Variants in LRTM1 observed in about 807,000 individuals in gnomAD.
LRTM1 encodes the protein leucine rich repeat transmembrane protein 1.
A neutral mutation model predicts 32.4 loss-of-function variants in LRTM1; 38 were observed. The observed-to-expected ratio is 1.17, with a 90% CI of 0.91 to 1.54. LRTM1 has a LOEUF of 1.54. LRTM1 is among the 40% of genes most tolerant of loss of function. The probability of loss-of-function intolerance (pLI) is 0.00; values close to 1 mark genes in which losing one functional copy is unlikely to be tolerated. For missense variants in LRTM1, 466 were observed against 415.4 expected (o/e 1.12, Z -1.06); for synonymous variants, 186 against 169.9 (o/e 1.09, Z -0.74).
chr3:54,943,954 G>A (rs768902002), intron 1 of LRTM1, among the ~76,000 whole-genome samples: 41 of 152,136 alleles, frequency 2.7e-4, no homozygotes, highest in Admixed American at 1.8e-3. Flanking sequence ...AATTTCCTCC[G>A]ACCTTGTAGC....
chr3:54,927,768 G>A, intron 1 of LRTM1, 137 bp downstream of exon 1: 1 of 930,948 alleles, frequency 1.1e-6, no homozygotes. Flanking sequence ...ATCATTCCAT[G>A]CAGAGACATT....
At chr3:54,930,533 A>G (rs982388498), upstream of LRTM1, among the ~76,000 whole-genome samples, 4 of 152,206 alleles carry the variant, frequency 2.6e-5, no homozygotes, top group Admixed American at 6.5e-5. Flanking sequence ...GAAAATGATC[A>G]ATCTATTGAC....
upstream of LRTM1, among the ~76,000 whole-genome samples, chr3:54,929,629 T>G (rs922340379): frequency 2.0e-5 from 3 of 151,766 alleles, no homozygotes; most frequent in African/African-American, 7.3e-5. Context: ...TGTCCTTCTC[T>G]CCAACATTTT....
At chr3:54,958,776 C>A (rs1362827868) in intron 1 of LRTM1, among the ~76,000 whole-genome samples, 2 of 151,720 alleles carry the variant, frequency 1.3e-5, no homozygotes, top group African/African-American at 4.8e-5. Flanking sequence ...TCTGTGTAAC[C>A]CCCAGCCTAG....
intron 2 of LRTM1, among the ~76,000 whole-genome samples, chr3:54,919,360 AT>A (rs773137014): frequency 2.3e-4 from 35 of 152,228 alleles, no homozygotes; most frequent in Admixed American, 3.9e-4. Context: ...TATTACAAAG[AT>A]CCTGTGTGTC....
intron 1 of LRTM1, among the ~76,000 whole-genome samples, chr3:54,950,629 A>C (rs1305516772): frequency 1.3e-5 from 2 of 152,214 alleles, no homozygotes; most frequent in African/African-American, 2.4e-5. Flanking sequence ...GCACAGCTCC[A>C]GGCTGTGGCA....
rs533596688 is a variant in LRTM1 at position 54,918,332 on chromosome 3, CTTTTTTTTTT to C, written c.*117_*126del. On this transcript the variant is annotated 3_prime_UTR_variant, in exon 3 of 3. Coordinates refer to ENST00000273286, the MANE Select transcript of LRTM1 (RefSeq NM_020678.4). Reference sequence around the variant, plus strand: ...TTTTACAGACACATCTTTTTTTTTTCTTTTTTTTTTTTTTTTTTTTTTTGTCTTTTGGCAA... The same window carrying C: ...TTTTACAGACACATCTTTTTTTTTTCTTTTTTTTTTTTTGTCTTTTGGCAA... 33 of 227,970 alleles carry C rather than the reference CTTTTTTTTTT, an allele frequency of 1.4e-4. No individual in the cohort carries two copies. The highest frequency in any genetic ancestry group is 2.1e-4 in the East Asian group (3 of 14,616). 14.1% of individuals were successfully genotyped at this position (227,970 alleles called of 1,614,324 possible).
chr3:54,954,149 G>C (rs980003307), intron 1 of LRTM1, among the ~76,000 whole-genome samples: 2 of 152,172 alleles, frequency 1.3e-5, no homozygotes, highest in African/African-American at 4.8e-5. Context: ...TCATCATGCA[G>C]GCATTTCCTG....
At chr3:54,962,930 G>T (rs1333805392) in intron 1 of LRTM1, among the ~76,000 whole-genome samples, 3 of 152,104 alleles carry the variant, frequency 2.0e-5, no homozygotes, top group African/African-American at 4.8e-5. Context: ...TACGATATGA[G>T]AAAAGTTGTT....
At chr3:54,954,608 G>A (rs965429293) in intron 1 of LRTM1, among the ~76,000 whole-genome samples, 1 of 152,200 alleles carries the variant, frequency 6.6e-6, no homozygotes, top group Admixed American at 6.5e-5. Flanking sequence ...TCAGGAGGCT[G>A]GAGGTAGGGT....
chr3:54,947,465 C>T (rs1196921323), intron 1 of LRTM1, among the ~76,000 whole-genome samples: 1 of 152,180 alleles, frequency 6.6e-6, no homozygotes, highest in African/African-American at 2.4e-5. Flanking sequence ...CAGGATAGGA[C>T]TTCTCAGGAG....
chr3:54,945,077 T>A (rs941592261), intron 1 of LRTM1, among the ~76,000 whole-genome samples: 1 of 152,170 alleles, frequency 6.6e-6, no homozygotes, highest in South Asian at 2.1e-4. Context: ...TTGGGGGCTA[T>A]AAGCTTGTTT....
chr3:54,937,184 G>A (rs563159329), intron 1 of LRTM1, among the ~76,000 whole-genome samples: 3 of 152,276 alleles, frequency 2.0e-5, no homozygotes, highest in East Asian at 1.9e-4. Flanking sequence ...CCCTTTGTGT[G>A]TATTCTTTCT....
chr3:54,948,241 TG>T (rs1367120124), intron 1 of LRTM1, among the ~76,000 whole-genome samples: 1 of 152,234 alleles, frequency 6.6e-6, no homozygotes, highest in Non-Finnish European at 1.5e-5. Context: ...ATGTGTGATG[TG>T]AGCCCAAGGT....
chr3:54,923,361 C>T (rs1559631010), intron 2 of LRTM1, among the ~76,000 whole-genome samples: 3 of 152,072 alleles, frequency 2.0e-5, no homozygotes, highest in East Asian at 3.9e-4. Flanking sequence ...AAGCCCTTTG[C>T]GTTCACTATT....
rs1308675320 is a variant in LRTM1 at position 54,918,874 on chromosome 3, A to G, written c.623T>C (p.Ile208Thr). The G allele has an allele frequency of 1.9e-6, 3 of 1,548,938 alleles. No individual in the cohort carries two copies. The highest frequency in any genetic ancestry group is 2.6e-6 in the Non-Finnish European group (3 of 1,146,548). Residue 208 changes from isoleucine to threonine, a missense_variant, in exon 3 of 3, where the codon ATC becomes ACC. By Grantham distance (89) the Ile-to-Thr change is moderately conservative. Transcript: ENST00000273286. The part of the protein sequence containing the change: ...FVYKGGLTDG[I>T]ICESPDTWKG... ...CCAGGTGTCTGGTGATTCACAGATG[A>G]TGCCGTCTGTTAGTCCCCCTTTAAA...
chr3:54,949,718 C>T (rs751274240), intron 1 of LRTM1, among the ~76,000 whole-genome samples: 1 of 152,166 alleles, frequency 6.6e-6, no homozygotes, highest in Non-Finnish European at 1.5e-5. Context: ...AAATTCAGAA[C>T]TGGTTTTGCA....
intron 2 of LRTM1, among the ~76,000 whole-genome samples, chr3:54,920,714 C>T (rs544292334): frequency 3.9e-4 from 60 of 152,202 alleles, no homozygotes; most frequent in Non-Finnish European, 7.5e-4. Context: ...GAGAAGTAGT[C>T]GTGATATTTA....
intron 1 of LRTM1, among the ~76,000 whole-genome samples, chr3:54,961,974 A>G (rs1221927109): frequency 6.6e-6 from 1 of 152,126 alleles, no homozygotes; most frequent in Non-Finnish European, 1.5e-5. Context: ...AGGGCATGGC[A>G]TCGTGAGGGG....
Sources: gnomAD v4.1 joint callset for allele counts (sites outside exome capture counted in the v4.1 genomes callset) on GRCh38, gnomAD v4.1.1 for gene constraint, MANE v1.5 for transcripts, NCBI Gene and HGNC (gene_info 2026-07-23, HGNC 2026-07-21) for gene names.